LRRC49: variants seen among roughly 807,000 people sequenced by gnomAD.
LRRC49 encodes the protein leucine rich repeat containing 49.
LRRC49 carries 50 observed loss-of-function variants against 83.3 expected under a neutral mutation model. The observed-to-expected ratio is 0.60, with a 90% CI of 0.48 to 0.76. The LOEUF is 0.76. Ranked by LOEUF, LRRC49 falls within the 30% of genes least tolerant of loss-of-function variation. The pLI is 0.00. For synonymous variants in LRRC49, 286 were observed against 283.3 expected, an observed-to-expected ratio of 1.01 and a Z score of -0.10; for missense variants, 704 against 809.1, an observed-to-expected ratio of 0.87 and a Z score of 1.58.
At chr15:70,989,739 G>T (rs1049454973) in intron 11 of LRRC49, among the ~76,000 whole-genome samples, 20 of 152,124 alleles carry the variant, frequency 1.3e-4, no homozygotes, top group African/African-American at 4.8e-4. Flanking sequence ...TTTCTGCTCT[G>T]TTTTTTCCCC....
chr15:70,930,936 G>C (rs2035383384), intron 7 of LRRC49, among the ~76,000 whole-genome samples: 1 of 152,172 alleles, frequency 6.6e-6, no homozygotes, highest in African/African-American at 2.4e-5. Flanking sequence ...TGGCTGGTTT[G>C]ATCTTTCCAG....
At chr15:71,036,821 T>C (rs948839570) in intron 14 of LRRC49, among the ~76,000 whole-genome samples, 1 of 152,300 alleles carries the variant, frequency 6.6e-6, no homozygotes, top group Admixed American at 6.5e-5. Context: ...GTAATTAGCA[T>C]GTTTTATGGG....
At chr15:71,039,170 T>A (rs1252986666) in intron 15 of LRRC49, among the ~76,000 whole-genome samples, 2 of 152,000 alleles carry the variant, frequency 1.3e-5, no homozygotes, top group Admixed American at 6.6e-5. Flanking sequence ...ATAAAACATG[T>A]AAGGAGAGGG....
chr15:71,028,155 G>A (rs1007865037), intron 14 of LRRC49, among the ~76,000 whole-genome samples: 2 of 152,186 alleles, frequency 1.3e-5, no homozygotes, highest in Admixed American at 6.5e-5. Context: ...TTGGCATGAA[G>A]CGATGTTTAA....
intron 14 of LRRC49, among the ~76,000 whole-genome samples, chr15:71,018,476 T>C (rs1210069894): frequency 3.3e-5 from 5 of 152,210 alleles, no homozygotes; most frequent in African/African-American, 1.2e-4. Context: ...CATTAAAGTT[T>C]TGGGGAGCTG....
chr15:70,918,854 C>A, intron 6 of LRRC49, 196 bp from the exon 7 acceptor site: 2 of 476,316 alleles, frequency 4.2e-6, no homozygotes, highest in Non-Finnish European at 7.4e-6. Flanking sequence ...AAAATATGAT[C>A]TTTTAGCTAA....
At chr15:70,870,624 G>A (rs1244360310) in intron 1 of LRRC49, among the ~76,000 whole-genome samples, 1 of 152,162 alleles carries the variant, frequency 6.6e-6, no homozygotes, top group Non-Finnish European at 1.5e-5. Flanking sequence ...CCGAGTAGCT[G>A]GGATTACAGG....
chr15:70,966,815 A>G (rs1335195042), intron 9 of LRRC49, among the ~76,000 whole-genome samples: 1 of 152,154 alleles, frequency 6.6e-6, no homozygotes, highest in Non-Finnish European at 1.5e-5. Context: ...ATTAGACAGT[A>G]GAGATGAAAA....
At chr15:70,909,722 C>T (rs1410290847) in intron 5 of LRRC49, among the ~76,000 whole-genome samples, 2 of 151,812 alleles carry the variant, frequency 1.3e-5, no homozygotes, top group Non-Finnish European at 2.9e-5. Context: ...ACCTGTGGTC[C>T]CAGCTACTCG....
At chr15:70,857,144 T>C (rs1285162229) in intron 1 of LRRC49, among the ~76,000 whole-genome samples, 2 of 152,030 alleles carry the variant, frequency 1.3e-5, no homozygotes, top group African/African-American at 2.4e-5. Context: ...CTCCTGAGGA[T>C]GAAACAAAAG....
upstream of LRRC49, chr15:70,891,717 C>T: frequency 1.2e-6 from 1 of 830,490 alleles, no homozygotes; most frequent in East Asian, 2.7e-5. Context: ...CTAAAGCACA[C>T]CCCTAACTTT....
chr15:70,854,447 C>T (rs1162768408), intron 1 of LRRC49, among the ~76,000 whole-genome samples: 2 of 152,190 alleles, frequency 1.3e-5, no homozygotes, highest in Admixed American at 6.5e-5. Context: ...CTCCCTCCTC[C>T]TGCGCCTTCT....
chr15:70,954,318 C>T (rs1249937755), intron 8 of LRRC49, among the ~76,000 whole-genome samples: 1 of 152,122 alleles, frequency 6.6e-6, no homozygotes, highest in Non-Finnish European at 1.5e-5. Flanking sequence ...ATGGTTATGT[C>T]ATCTTTCAAC....
chr15:70,898,361 A>G, intron 3 of LRRC49: 1 of 690,832 alleles, frequency 1.4e-6, no homozygotes, highest in East Asian at 2.7e-5. Flanking sequence ...TGCCTACTGA[A>G]TTTAGATTTT....
chr15:70,901,233 A>ACTATACTTC (rs777572037), intron 4 of LRRC49, among the ~76,000 whole-genome samples: 3 of 152,154 alleles, frequency 2.0e-5, no homozygotes, highest in Non-Finnish European at 2.9e-5. Context: ...AAAGAGCTTG[A>ACTATACTTC]CTATACTTCA....
chr15:71,031,961 A>C (rs932945460), intron 14 of LRRC49, among the ~76,000 whole-genome samples: 3 of 151,996 alleles, frequency 2.0e-5, no homozygotes, highest in Admixed American at 6.5e-5. Context: ...GAGTGAGACC[A>C]CTTGGCTTCC....
At chr15:70,987,304 A>T (rs2037663421) in intron 11 of LRRC49, among the ~76,000 whole-genome samples, 1 of 152,124 alleles carries the variant, frequency 6.6e-6, no homozygotes, top group South Asian at 2.1e-4. Context: ...TTATTGCCAC[A>T]ATTTCAGCTC....
intron 8 of LRRC49, among the ~76,000 whole-genome samples, chr15:70,952,742 GTAT>G (rs1182707278): frequency 6.6e-6 from 1 of 152,094 alleles, no homozygotes; most frequent in African/African-American, 2.4e-5. Flanking sequence ...GAAGTCCTGA[GTAT>G]TATTGTTTGG....
At chr15:71,044,185 G>A (rs1439112101) in intron 15 of LRRC49, among the ~76,000 whole-genome samples, 2 of 152,180 alleles carry the variant, frequency 1.3e-5, no homozygotes, top group Non-Finnish European at 2.9e-5. Flanking sequence ...CTAATGTTCA[G>A]ACTATAGTAT....
Sources: gnomAD v4.1 joint callset for allele counts (sites outside exome capture counted in the v4.1 genomes callset) on GRCh38, gnomAD v4.1.1 for gene constraint, MANE v1.5 for transcripts, NCBI Gene and HGNC (gene_info 2026-07-23, HGNC 2026-07-21) for gene names.